CACNA2D3: variants seen among roughly 807,000 people sequenced by gnomAD.
The protein encoded by CACNA2D3 is calcium voltage-gated channel auxiliary subunit alpha2delta 3.
Under a neutral mutation model 160.6 loss-of-function variants are expected in CACNA2D3, and 60 were observed. That is an observed-to-expected ratio of 0.37 (90% CI 0.30 to 0.46). CACNA2D3 has a LOEUF of 0.46. Ranked by LOEUF, CACNA2D3 falls within the 20% of genes least tolerant of loss-of-function variation. The probability of loss-of-function intolerance (pLI) is 1.00; values close to 1 mark genes in which losing one functional copy is unlikely to be tolerated. For missense variants in CACNA2D3, 1,205 were observed against 1,365.0 expected (o/e 0.88, Z 1.85); for synonymous variants, 558 against 492.9 (o/e 1.13, Z -1.75).
intron 14 of CACNA2D3, among the ~76,000 whole-genome samples, chr3:54,822,790 C>CTTTCTTTTCTTT (rs1491160047): frequency 2.5e-4 from 18 of 71,960 alleles, no homozygotes; most frequent in African/African-American, 6.9e-4. Context: ...TTCTTTCTTT[C>CTTTCTTTTCTTT]CTTTCTTTCT....
intron 9 of CACNA2D3, chr3:54,626,716 AAAAG>A (rs1699123601): frequency 8.2e-6 from 6 of 730,948 alleles, no homozygotes; most frequent in Admixed American, 5.2e-5. Context: ...AAAAGAAAGA[AAAAG>A]AAAGGGGTTC....
chr3:54,799,145 T>A lies in CACNA2D3; in HGVS notation c.1381-17708T>A, dbSNP rs144204547. 1.6e-4 allele frequency among the ~76,000 whole-genome samples: 24 copies of A among 152,328 alleles called. 1 individual carries two copies. In the East Asian group the frequency reaches 4.4e-3, roughly 28 times the overall value. On this transcript the variant is annotated intron_variant, in intron 13 of 37. Coordinates refer to ENST00000474759, the MANE Select transcript of CACNA2D3 (RefSeq NM_018398.3). ...ATTCTGTTATTTTTAGTGTGCAATT[T>A]TACAGAAGGTGAGGTTTCTCACTGA...
At chr3:54,447,088 T>C (rs1700235115) in intron 4 of CACNA2D3, among the ~76,000 whole-genome samples, 1 of 152,222 alleles carries the variant, frequency 6.6e-6, no homozygotes, top group South Asian at 2.1e-4. Context: ...CCAGGCGTTA[T>C]GAGCTCAGCT....
chr3:54,990,052 C>T (rs973039347), intron 31 of CACNA2D3, among the ~76,000 whole-genome samples: 15 of 152,164 alleles, frequency 9.9e-5, no homozygotes, highest in Admixed American at 9.8e-4. Flanking sequence ...AGAAGTCATG[C>T]ACCATATTGA....
chr3:54,257,280 C>T (rs1258248339), intron 2 of CACNA2D3, among the ~76,000 whole-genome samples: 3 of 152,186 alleles, frequency 2.0e-5, no homozygotes, highest in Non-Finnish European at 4.4e-5. Flanking sequence ...AGAACTGTCC[C>T]CTGCAAGCTG....
At chr3:54,443,793 C>T (rs1357420184) in intron 4 of CACNA2D3, among the ~76,000 whole-genome samples, 3 of 152,178 alleles carry the variant, frequency 2.0e-5, no homozygotes, top group Non-Finnish European at 2.9e-5. Flanking sequence ...ACAAGTTTCA[C>T]GGTTTCTTCC....
At chr3:54,264,664 C>T (rs1702468366) in intron 2 of CACNA2D3, among the ~76,000 whole-genome samples, 1 of 152,190 alleles carries the variant, frequency 6.6e-6, no homozygotes, top group Non-Finnish European at 1.5e-5. Flanking sequence ...CTCAGTGCAG[C>T]TGGTGGCTTT....
At chr3:54,278,224 C>G (rs1417645714) in intron 2 of CACNA2D3, among the ~76,000 whole-genome samples, 1 of 152,014 alleles carries the variant, frequency 6.6e-6, no homozygotes, top group Non-Finnish European at 1.5e-5. Context: ...ATGCAGCCAA[C>G]AAACATATGA....
At chr3:54,802,701 G>A (rs1467894919) in intron 13 of CACNA2D3, among the ~76,000 whole-genome samples, 1 of 152,138 alleles carries the variant, frequency 6.6e-6, no homozygotes, top group Non-Finnish European at 1.5e-5. Context: ...TTTGAAGAGA[G>A]CAATGGTTCT....
chr3:54,730,271 C>T (rs1209832718), intron 11 of CACNA2D3, among the ~76,000 whole-genome samples: 1 of 152,020 alleles, frequency 6.6e-6, no homozygotes, highest in Non-Finnish European at 1.5e-5. Context: ...GAGAATCCAC[C>T]CTGGTGGCAC....
At chr3:54,221,247 A>C (rs1054868498) in intron 2 of CACNA2D3, among the ~76,000 whole-genome samples, 1 of 152,202 alleles carries the variant, frequency 6.6e-6, no homozygotes. Flanking sequence ...ACATACTCTA[A>C]AACGTTCAAA....
At chr3:54,671,703 A>G (rs149104455) in intron 11 of CACNA2D3, among the ~76,000 whole-genome samples, 119 of 152,248 alleles carry the variant, frequency 7.8e-4, no homozygotes, top group African/African-American at 2.5e-3. Context: ...GAATTATGCA[A>G]TAGTCCATGG....
rs1701980422 is a variant in CACNA2D3 at position 54,959,493 on chromosome 3, G to C, written c.2450-8957G>C. On this transcript the variant is annotated intron_variant, in intron 27 of 37. Coordinates refer to ENST00000474759, the MANE Select transcript of CACNA2D3 (RefSeq NM_018398.3). ...AGTCATAAACATCCAACTCAGAGAT[G>C]TTTGGCAACTATATGTGGCTGTTCT... 2.0e-5 allele frequency among the ~76,000 whole-genome samples: 3 copies of C among 147,788 alleles called. No individual in the cohort carries two copies. The South Asian group carries it at 6.9e-4, about 34-fold the overall frequency.
chr3:54,402,031 G>C (rs1371990966), intron 4 of CACNA2D3, among the ~76,000 whole-genome samples: 2 of 152,098 alleles, frequency 1.3e-5, no homozygotes, highest in Admixed American at 6.5e-5. Flanking sequence ...GTTTGTATGA[G>C]AATGAAATTA....
chr3:54,872,486 G>T (rs565053207), intron 18 of CACNA2D3, among the ~76,000 whole-genome samples: 1 of 152,070 alleles, frequency 6.6e-6, no homozygotes, highest in Non-Finnish European at 1.5e-5. Flanking sequence ...TTGAGTTGGC[G>T]TTGTTTCCAT....
intron 2 of CACNA2D3, among the ~76,000 whole-genome samples, chr3:54,157,745 G>C (rs1700270174): frequency 1.3e-5 from 2 of 151,626 alleles, no homozygotes; most frequent in Admixed American, 1.3e-4. Flanking sequence ...GAGCCGAGAT[G>C]GCGCCATTGC....
chr3:54,141,796 CA>C (rs1699940896), intron 2 of CACNA2D3, among the ~76,000 whole-genome samples: 1 of 152,172 alleles, frequency 6.6e-6, no homozygotes, highest in Admixed American at 6.5e-5. Flanking sequence ...CACAAGAAAA[CA>C]ACCTGAATTT....
At chr3:54,598,323 A>AAAAC (rs1702997431) in intron 9 of CACNA2D3, among the ~76,000 whole-genome samples, 3 of 150,066 alleles carry the variant, frequency 2.0e-5, no homozygotes, top group South Asian at 4.2e-4. Flanking sequence ...AAAAAAAAAA[A>AAAAC]AAAAAAAAAG....
At chr3:54,463,594 A>G (rs1037125922) in intron 4 of CACNA2D3, among the ~76,000 whole-genome samples, 1 of 126,806 alleles carries the variant, frequency 7.9e-6, no homozygotes, top group Admixed American at 8.8e-5. Context: ...CATTCTTCAC[A>G]GTTCTCGAGC....
Sources: allele counts gnomAD v4.1 joint callset (sites outside exome capture counted in the v4.1 genomes callset), GRCh38; gene constraint gnomAD v4.1.1; transcripts MANE v1.5; gene names NCBI Gene and HGNC (gene_info 2026-07-23, HGNC 2026-07-21).